The following TGM6 variants were observed in gnomAD, a reference collection of about 807,000 sequenced individuals.
TGM6 encodes the protein transglutaminase 6, also known as protein-glutamine gamma-glutamyltransferase 6.
TGM6 carries 74 observed loss-of-function variants against 77.5 expected under a neutral mutation model. The ratio of observed to expected loss-of-function variants is 0.96; its 90% CI spans 0.79 to 1.16. TGM6 has a LOEUF of 1.16. TGM6 is among the 50% of genes most tolerant of loss of function. TGM6 has a pLI of 0.00. For missense variants in TGM6, 968 were observed against 940.2 expected (o/e 1.03, Z -0.39); for synonymous variants, 383 against 378.9 (o/e 1.01, Z -0.12).
chr20:2,395,138 T>C, intron 2 of TGM6, 56 bp from the exon 3 acceptor site: 1 of 1,597,420 alleles, frequency 6.3e-7, no homozygotes, highest in Non-Finnish European at 8.5e-7. Context: ...TTTTCACTTC[T>C]CTAAAGCTGG....
intron 12 of TGM6, 39 bp downstream of exon 12, chr20:2,431,066 C>G: frequency 1.9e-6 from 3 of 1,596,290 alleles, no homozygotes; most frequent in South Asian, 1.1e-5. Context: ...GAATGGGGCT[C>G]TCTTCCTTGT....
rs142889465 is a variant in TGM6 at position 2,386,810 on chromosome 20, G to C, written c.7+5835G>C. ...AGCTGCTTTGGGCTGTGGCAGGGAA[G>C]GGGGGAAACCAGTGCAGGATCCATG... On this transcript the variant is annotated intron_variant, in intron 1 of 12. Coordinates refer to ENST00000202625, the MANE Select transcript of TGM6 (RefSeq NM_198994.3). Among the ~76,000 whole-genome samples, 699 of 146,498 alleles carry C rather than the reference G, an allele frequency of 4.8e-3. 6 individuals carry two copies. Among genetic ancestry groups the C allele is most frequent in the African/African-American group, 0.016 (659 of 41,144 alleles).
chr20:2,407,632 AT>A (rs994086664), intron 9 of TGM6, among the ~76,000 whole-genome samples: 5 of 152,180 alleles, frequency 3.3e-5, no homozygotes, highest in Admixed American at 2.6e-4. Flanking sequence ...AAATAAAATC[AT>A]TTTATGGATA....
At chr20:2,415,241 C>T (rs1173983939) in intron 9 of TGM6, among the ~76,000 whole-genome samples, 1 of 152,182 alleles carries the variant, frequency 6.6e-6, no homozygotes, top group Non-Finnish European at 1.5e-5. Context: ...TTCACAGCAA[C>T]ATCAAGTGAC....
chr20:2,430,390 A>C (rs2084916200), intron 10 of TGM6, 56 bp from the exon 11 acceptor site: 1 of 1,601,058 alleles, frequency 6.2e-7, no homozygotes, highest in Non-Finnish European at 8.6e-7. Context: ...CCTTCTTCCC[A>C]GTGCCATTGA....
chr20:2,391,027 C>T (rs965064856), intron 1 of TGM6, among the ~76,000 whole-genome samples: 2 of 140,154 alleles, frequency 1.4e-5, no homozygotes, highest in Non-Finnish European at 3.2e-5. Flanking sequence ...GGGACTTCAA[C>T]TCTGCTGAGA....
At chr20:2,415,732 C>G (rs1017980729) in intron 9 of TGM6, among the ~76,000 whole-genome samples, 6 of 152,112 alleles carry the variant, frequency 3.9e-5, no homozygotes, top group Non-Finnish European at 8.8e-5. Flanking sequence ...CACCCGGGCT[C>G]ATGGCTGCAC....
intron 9 of TGM6, among the ~76,000 whole-genome samples, chr20:2,407,951 G>A (rs926049425): frequency 3.3e-5 from 5 of 152,170 alleles, no homozygotes; most frequent in African/African-American, 1.2e-4. Context: ...GCACTCTACT[G>A]GGGCATCCAG....
At chr20:2,394,257 G>A (rs767559470) in intron 1 of TGM6, among the ~76,000 whole-genome samples, 195 bp from the exon 2 acceptor site, 41 of 152,200 alleles carry the variant, frequency 2.7e-4, no homozygotes, top group Admixed American at 5.2e-4. Context: ...TCACGCCACT[G>A]CACGCCAGCC....
chr20:2,390,583 G>A (rs1599944955), intron 1 of TGM6, among the ~76,000 whole-genome samples: 1 of 152,240 alleles, frequency 6.6e-6, no homozygotes, highest in East Asian at 1.9e-4. Context: ...ATTCACTAAT[G>A]AACAAAACAG....
At chr20:2,415,607 A>G (rs1384872081) in intron 9 of TGM6, among the ~76,000 whole-genome samples, 1 of 152,050 alleles carries the variant, frequency 6.6e-6, no homozygotes, top group Non-Finnish European at 1.5e-5. Flanking sequence ...GAGGTGAGAG[A>G]AGAGGACAGA....
rs115290931 is a variant in TGM6 at position 2,393,749 on chromosome 20, G to A, written c.8-703G>A. 5.1e-3 allele frequency among the ~76,000 whole-genome samples: 769 copies of A among 152,096 alleles called. 10 individuals are homozygous for A. Among genetic ancestry groups the A allele is most frequent in the African/African-American group, 0.016 (670 of 41,482 alleles). On this transcript the variant is annotated intron_variant, in intron 1 of 12. Coordinates refer to ENST00000202625, the MANE Select transcript of TGM6 (RefSeq NM_198994.3). ...CATGTTGGCCCCAGGGTGGTCTCGAGCTCCTGAGCTTAGGCAATCCGCCCA... is the reference window on the plus strand; with the variant it reads ...CATGTTGGCCCCAGGGTGGTCTCGAACTCCTGAGCTTAGGCAATCCGCCCA...
chr20:2,394,896 C>G (rs566587710), intron 2 of TGM6, among the ~76,000 whole-genome samples: 10 of 152,280 alleles, frequency 6.6e-5, no homozygotes, highest in Non-Finnish European at 1.3e-4. Context: ...TATGAAAACC[C>G]GTCAAGCACT....
rs141263385 is a variant in TGM6 at position 2,417,429 on chromosome 20, A to C, written c.1534A>C (p.Arg512=). 2.2e-5 allele frequency: 36 copies of C among 1,612,766 alleles called. No homozygotes were observed. The highest frequency in any genetic ancestry group is 3.0e-5 in the Non-Finnish European group (35 of 1,180,006). ...GCCTCCCATGCTGGGCCACGACCTG[A>C]GACTGGCCCTGTGCTTGGCCAACCT... The part of the protein sequence containing the change: ...LEPPMLGHDL[R]LALCLANLTS... The change falls in exon 10 of 13, where the codon AGA becomes CGA. Residue 512 remains arginine, a synonymous_variant. Coordinates refer to ENST00000202625, the MANE Select transcript of TGM6 (RefSeq NM_198994.3).
intron 10 of TGM6, among the ~76,000 whole-genome samples, chr20:2,429,986 T>C (rs1304055956): frequency 1.3e-5 from 2 of 152,098 alleles, no homozygotes; most frequent in African/African-American, 4.8e-5. Context: ...TTTGGAAAAG[T>C]TGTAGGGAAT....
At chr20:2,400,691 G>C (rs36006705) in intron 7 of TGM6, among the ~76,000 whole-genome samples, 3,807 of 142,760 alleles carry the variant, frequency 0.027, 141 homozygotes, top group African/African-American at 0.092. Context: ...TGCCTTGAAC[G>C]CCCGGTTCTA....
At chr20:2,421,065 CA>C (rs2084852897) in intron 10 of TGM6, among the ~76,000 whole-genome samples, 14 of 152,086 alleles carry the variant, frequency 9.2e-5, no homozygotes, top group Admixed American at 9.2e-4. Flanking sequence ...TGGCTCACTG[CA>C]ACCTCCGCCT....
At chr20:2,401,017 C>A (rs1023270483) in intron 7 of TGM6, among the ~76,000 whole-genome samples, 2 of 151,878 alleles carry the variant, frequency 1.3e-5, no homozygotes, top group Non-Finnish European at 2.9e-5. Context: ...CCACCCTGGT[C>A]AACATAGTGA....
chr20:2,430,985 T>C lies in TGM6; in HGVS notation c.1925T>C (p.Met642Thr). The C allele has an allele frequency of 1.2e-6, 2 of 1,614,084 alleles. No homozygotes were observed. The highest frequency in any genetic ancestry group is 2.7e-5 in the African/African-American group (2 of 74,998). Reference sequence around the variant, plus strand: ...GAGAGAGTGAAGGACTGTGCGCTGATGGTGGAGGGCAGCGGCCTTCTCCAG... The same window carrying C: ...GAGAGAGTGAAGGACTGTGCGCTGACGGTGGAGGGCAGCGGCCTTCTCCAG... ...LIERVKDCALMVEGSGLLQEQ... is the reference protein window; with the variant it reads ...LIERVKDCALTVEGSGLLQEQ... Residue 642 changes from methionine (M) to threonine (T), a missense_variant, in exon 12 of 13, where the codon ATG (methionine) becomes ACG (threonine). Met to Thr is a moderately conservative substitution (Grantham distance 81). Coordinates refer to ENST00000202625, the MANE Select transcript of TGM6 (RefSeq NM_198994.3).
Sources: allele counts gnomAD v4.1 joint callset (sites outside exome capture counted in the v4.1 genomes callset), GRCh38; gene constraint gnomAD v4.1.1; transcripts MANE v1.5; gene names NCBI Gene and HGNC (gene_info 2026-07-23, HGNC 2026-07-21).